Variants in CACNA1E observed in about 807,000 individuals in gnomAD.
The protein encoded by CACNA1E is voltage-dependent R-type calcium channel subunit alpha-1E.
Under a neutral mutation model 259.2 loss-of-function variants are expected in CACNA1E, and 40 were observed. The ratio of observed to expected loss-of-function variants is 0.15; its 90% confidence interval spans 0.12 to 0.20. The LOEUF is 0.20. CACNA1E is among the 10% of genes least tolerant of loss of function. The probability of loss-of-function intolerance (pLI) is 1.00; values close to 1 mark genes in which losing one functional copy is unlikely to be tolerated. For synonymous variants in CACNA1E, 1,104 were observed against 1,138.5 expected, an observed-to-expected ratio of 0.97 and a Z score of 0.61; for missense variants, 1,874 against 3,040.1, an observed-to-expected ratio of 0.62 and a Z score of 9.02.
At chr1:181,717,350 G>A in intron 11 of CACNA1E, 48 bp downstream of exon 11, 1 of 1,491,360 alleles carries the variant, frequency 6.7e-7, no homozygotes, top group Non-Finnish European at 9.3e-7. Context: ...CCCCATGTGG[G>A]GCAGCTTGAT....
chr1:181,463,598 C>A (rs1467770189), intron 2 of CACNA1E, among the ~76,000 whole-genome samples: 1 of 152,074 alleles, frequency 6.6e-6, no homozygotes, highest in East Asian at 1.9e-4. Context: ...TGTTTGTTGG[C>A]CATTTGGATT....
At chr1:181,614,568 A>G (rs764160427) in intron 6 of CACNA1E, among the ~76,000 whole-genome samples, 25 of 152,212 alleles carry the variant, frequency 1.6e-4, no homozygotes, top group Non-Finnish European at 3.4e-4. Flanking sequence ...ACTTGAGCTC[A>G]TTGCAATAGC....
chr1:181,687,676 AT>A (rs1473530862), intron 7 of CACNA1E, among the ~76,000 whole-genome samples: 1 of 152,206 alleles, frequency 6.6e-6, no homozygotes, highest in Non-Finnish European at 1.5e-5. Flanking sequence ...TGGAAGAAAA[AT>A]TATAACCTGT....
At position 181,406,341 on chromosome 1, in the gene CACNA1E, T is replaced by C. The variant is rs112636685; in HGVS notation, c.-14-6792T>C. ...TTATTGGGCATTTTTTATGGCCAGG[T>C]GCTGTTCTATGAGCTTCTGTATTTA... On this transcript the variant is annotated intron_variant, in intron 1 of 11. Coordinates refer to the CACNA1E transcript ENST00000524607. 2.3e-3 allele frequency among the ~76,000 whole-genome samples: 349 copies of C among 152,348 alleles called. 2 individuals are homozygous for C. Among genetic ancestry groups the C allele is most frequent in the African/African-American group, 7.4e-3 (308 of 41,580 alleles).
chr1:181,705,247 C>A (rs1186303495), intron 7 of CACNA1E, among the ~76,000 whole-genome samples: 1 of 152,198 alleles, frequency 6.6e-6, no homozygotes, highest in Non-Finnish European at 1.5e-5. Context: ...TCCCTCCAGG[C>A]ACACATGATA....
intron 6 of CACNA1E, among the ~76,000 whole-genome samples, chr1:181,614,939 G>A (rs1480879494): frequency 6.6e-6 from 1 of 152,052 alleles, no homozygotes; most frequent in South Asian, 2.1e-4. Context: ...GTGGACCCAT[G>A]CAGTTCAAAC....
At chr1:181,659,491 AG>A (rs1001043164) in intron 7 of CACNA1E, among the ~76,000 whole-genome samples, 5 of 152,206 alleles carry the variant, frequency 3.3e-5, no homozygotes, top group Non-Finnish European at 5.9e-5. Flanking sequence ...AAATGCCATC[AG>A]GGGCTACAGG....
chr1:181,348,838 A>G (rs546821216), intron 1 of CACNA1E, among the ~76,000 whole-genome samples: 100 of 152,240 alleles, frequency 6.6e-4, no homozygotes, highest in Admixed American at 2.0e-3. Context: ...GCCTGTGGGG[A>G]GCAGCAGTGA....
intron 2 of CACNA1E, among the ~76,000 whole-genome samples, chr1:181,473,849 C>T (rs1662671160): frequency 6.6e-6 from 1 of 152,218 alleles, no homozygotes; most frequent in Non-Finnish European, 1.5e-5. Flanking sequence ...CACCCACCAC[C>T]TATGTGACCA....
chr1:181,736,190 CT>C, intron 21 of CACNA1E, 84 bp from the exon 22 acceptor site: 1 of 1,480,654 alleles, frequency 6.8e-7, no homozygotes, highest in Admixed American at 2.2e-5. Context: ...TTCTCCTCCT[CT>C]CCTTTCATCC....
intron 3 of CACNA1E, among the ~76,000 whole-genome samples, chr1:181,521,796 C>A (rs530054726): frequency 6.6e-6 from 1 of 151,902 alleles, no homozygotes; most frequent in South Asian, 2.1e-4. Flanking sequence ...TAGGATGAGA[C>A]GAGAAGAGGG....
At chr1:181,348,097 C>A (rs901498142) in intron 1 of CACNA1E, among the ~76,000 whole-genome samples, 2 of 151,936 alleles carry the variant, frequency 1.3e-5, no homozygotes, top group African/African-American at 4.8e-5. Context: ...CAGACTCAGT[C>A]CCATTCCTTG....
At chr1:181,414,551 G>A (rs1417898689) in intron 2 of CACNA1E, among the ~76,000 whole-genome samples, 1 of 152,118 alleles carries the variant, frequency 6.6e-6, no homozygotes, top group Non-Finnish European at 1.5e-5. Context: ...AGAGGAGTTG[G>A]GCACAGCCAG....
intron 7 of CACNA1E, among the ~76,000 whole-genome samples, chr1:181,678,020 G>T (rs1168670213): frequency 1.3e-5 from 2 of 152,188 alleles, no homozygotes; most frequent in Non-Finnish European, 2.9e-5. Context: ...GATGGAGGGG[G>T]CAGGATGACC....
At chr1:181,678,764 C>T (rs1204839873) in intron 7 of CACNA1E, among the ~76,000 whole-genome samples, 1 of 152,186 alleles carries the variant, frequency 6.6e-6, no homozygotes, top group Non-Finnish European at 1.5e-5. Context: ...CTTTCTCAGA[C>T]TTAGTTTCTC....
intron 7 of CACNA1E, among the ~76,000 whole-genome samples, chr1:181,679,149 C>A (rs114849459): frequency 6.6e-6 from 1 of 152,056 alleles, no homozygotes; most frequent in Non-Finnish European, 1.5e-5. Context: ...GAGTTGTAAA[C>A]GATGAAGAAA....
At chr1:181,492,481 A>C (rs1453658624) in intron 1 of CACNA1E, among the ~76,000 whole-genome samples, 1 of 152,226 alleles carries the variant, frequency 6.6e-6, no homozygotes, top group Admixed American at 6.5e-5. Context: ...CAGACCTTTT[A>C]GTTCTAGAAA....
At chr1:181,491,071 A>G (rs183540648) in intron 1 of CACNA1E, among the ~76,000 whole-genome samples, 2 of 152,234 alleles carry the variant, frequency 1.3e-5, no homozygotes, top group Admixed American at 1.3e-4. Flanking sequence ...TTTCCACACC[A>G]TTGTCTCATG....
intron 16 of CACNA1E, among the ~76,000 whole-genome samples, chr1:181,722,098 T>C (rs1407632764): frequency 6.6e-6 from 1 of 152,168 alleles, no homozygotes; most frequent in Admixed American, 6.5e-5. Flanking sequence ...AAATCTGTAG[T>C]GTATGCAAAG....
Sources: allele counts gnomAD v4.1 joint callset (sites outside exome capture counted in the v4.1 genomes callset), GRCh38; gene constraint gnomAD v4.1.1; transcripts MANE v1.5; gene names NCBI Gene and HGNC (gene_info 2026-07-23, HGNC 2026-07-21).